NEGR1: variants seen among roughly 807,000 people sequenced by gnomAD.
The protein encoded by NEGR1 is neuronal growth regulator 1, also known as IgLON family member 4.
NEGR1 carries 10 observed loss-of-function variants against 40.9 expected under a neutral mutation model. The ratio of observed to expected loss-of-function variants is 0.24; its 90% confidence interval spans 0.15 to 0.42. The LOEUF (loss-of-function observed/expected upper bound fraction) is 0.42, where lower values mean the gene tolerates loss of function less well. Among genes scored for constraint, NEGR1 ranks in the 10% least tolerant of loss-of-function variants. The pLI is 1.00. For missense variants in NEGR1, 352 were observed against 438.9 expected (o/e 0.80, Z 1.77); for synonymous variants, 185 against 166.8 (o/e 1.11, Z -0.84).
intron 1 of NEGR1, among the ~76,000 whole-genome samples, chr1:72,013,475 T>C (rs1331085067): frequency 6.6e-6 from 1 of 152,126 alleles, no homozygotes; most frequent in Non-Finnish European, 1.5e-5. Context: ...TAAAATATTC[T>C]GGTTTTCTTC....
chr1:71,714,179 A>G (rs1654197698), intron 3 of NEGR1, among the ~76,000 whole-genome samples: 1 of 152,154 alleles, frequency 6.6e-6, no homozygotes, highest in Admixed American at 6.5e-5. Flanking sequence ...CAGGAAGGGA[A>G]ATGCCAGATG....
chr1:71,769,896 T>A (rs969898704), intron 3 of NEGR1, among the ~76,000 whole-genome samples: 2 of 152,232 alleles, frequency 1.3e-5, no homozygotes, highest in African/African-American at 4.8e-5. Context: ...ACTGTTCATA[T>A]AACAATTCTG....
At chr1:72,087,751 C>CT (rs1194408394) in intron 1 of NEGR1, among the ~76,000 whole-genome samples, 26,454 of 95,026 alleles carry the variant, frequency 0.28, 4,805 homozygotes, top group Non-Finnish European at 0.36. Context: ...TGCCACTGTG[C>CT]TTTTTTTTTT....
intron 3 of NEGR1, among the ~76,000 whole-genome samples, chr1:71,758,110 C>T (rs1216492644): frequency 6.6e-6 from 1 of 151,986 alleles, no homozygotes; most frequent in Non-Finnish European, 1.5e-5. Flanking sequence ...CTAACACATG[C>T]AGTGACTGGC....
At chr1:72,163,913 T>G (rs1651681786) in intron 1 of NEGR1, among the ~76,000 whole-genome samples, 1 of 152,070 alleles carries the variant, frequency 6.6e-6, no homozygotes, top group South Asian at 2.1e-4. Flanking sequence ...TATTTTATTG[T>G]AAGTAAAATT....
At chr1:71,756,464 G>A (rs574871701) in intron 3 of NEGR1, among the ~76,000 whole-genome samples, 61 of 149,446 alleles carry the variant, frequency 4.1e-4, no homozygotes, top group African/African-American at 6.6e-4. Flanking sequence ...GTTAAACAGC[G>A]AGGGTTGAGA....
At chr1:72,099,810 ATAAAG>A (rs1038071928) in intron 1 of NEGR1, among the ~76,000 whole-genome samples, 1 of 151,890 alleles carries the variant, frequency 6.6e-6, no homozygotes, top group Non-Finnish European at 1.5e-5. Flanking sequence ...CAAATGGTAC[ATAAAG>A]TACTTTTAGT....
At chr1:72,259,875 A>G (rs1461919085) in intron 1 of NEGR1, among the ~76,000 whole-genome samples, 1 of 152,056 alleles carries the variant, frequency 6.6e-6, no homozygotes, top group Non-Finnish European at 1.5e-5. Context: ...GTTAATGCTC[A>G]CCTTTTCTTT....
chr1:71,674,252 T>C (rs374382231), intron 4 of NEGR1, among the ~76,000 whole-genome samples: 8 of 152,250 alleles, frequency 5.3e-5, no homozygotes, highest in African/African-American at 1.9e-4. Context: ...AAAATCAACA[T>C]CTATCACCAT....
chr1:71,920,358 A>G (rs1167243483), intron 2 of NEGR1, among the ~76,000 whole-genome samples: 1 of 152,144 alleles, frequency 6.6e-6, no homozygotes, highest in African/African-American at 2.4e-5. Context: ...TGAGCTCTGA[A>G]TGACTTACTA....
At chr1:72,151,057 C>A (rs1018235966) in intron 1 of NEGR1, among the ~76,000 whole-genome samples, 1 of 151,582 alleles carries the variant, frequency 6.6e-6, no homozygotes, top group Admixed American at 6.6e-5. Context: ...TCTAACTGAC[C>A]CACCAAACAT....
chr1:72,112,408 T>A (rs186581502), intron 1 of NEGR1, among the ~76,000 whole-genome samples: 23 of 151,890 alleles, frequency 1.5e-4, no homozygotes, highest in African/African-American at 4.8e-4. Context: ...TTTTCCATAA[T>A]ATATCCATTG....
chr1:72,000,087 C>G (rs1038942038), intron 1 of NEGR1, among the ~76,000 whole-genome samples: 1 of 151,964 alleles, frequency 6.6e-6, no homozygotes, highest in African/African-American at 2.4e-5. Flanking sequence ...AATTAGACTT[C>G]AAATCCTATA....
chr1:71,499,010 T>G (rs78120687), intron 6 of NEGR1, among the ~76,000 whole-genome samples: 2,166 of 152,284 alleles, frequency 0.014, 61 homozygotes, highest in African/African-American at 0.049. Flanking sequence ...TACGGACTTC[T>G]GAGGCAGCAA....
At chr1:72,082,821 C>T (rs1475385809) in intron 1 of NEGR1, among the ~76,000 whole-genome samples, 1 of 151,944 alleles carries the variant, frequency 6.6e-6, no homozygotes, top group East Asian at 1.9e-4. Flanking sequence ...GTTTTCTTAA[C>T]CAATTTTTGC....
At chr1:72,182,942 A>G (rs1652442376) in intron 1 of NEGR1, among the ~76,000 whole-genome samples, 1 of 152,204 alleles carries the variant, frequency 6.6e-6, no homozygotes, top group Non-Finnish European at 1.5e-5. Context: ...TTCACATAAT[A>G]TCATACAGAA....
At chr1:71,679,804 T>G (rs1652769889) in intron 4 of NEGR1, among the ~76,000 whole-genome samples, 2 of 152,142 alleles carry the variant, frequency 1.3e-5, no homozygotes, top group Non-Finnish European at 2.9e-5. Context: ...TTAAGGTGTT[T>G]AATGTAGATA....
At chr1:72,239,595 A>C (rs1211110410) in intron 1 of NEGR1, among the ~76,000 whole-genome samples, 1 of 151,760 alleles carries the variant, frequency 6.6e-6, no homozygotes. Flanking sequence ...GAAACTACAA[A>C]ATTTTCATTT....
In NEGR1 at chr1:72,218,753, A is replaced by C. The variant is rs140912267; in HGVS notation, c.176+63566T>G. ...ATTAAAAAGACAAGTGTGAAAGAAG[A>C]AGCTTAGTAGTGGGTAAGATAAGGG... On this transcript the variant is annotated intron_variant, in intron 1 of 6. Coordinates refer to ENST00000357731, the MANE Select transcript of NEGR1 (RefSeq NM_173808.3). Among the ~76,000 whole-genome samples, 11 of 152,168 alleles carry C rather than the reference A, an allele frequency of 7.2e-5. No homozygotes were observed. The East Asian group carries it at 1.5e-3, about 21-fold the overall frequency.
Sources: allele counts gnomAD v4.1 joint callset (sites outside exome capture counted in the v4.1 genomes callset), GRCh38; gene constraint gnomAD v4.1.1; transcripts MANE v1.5; gene names NCBI Gene and HGNC (gene_info 2026-07-23, HGNC 2026-07-21).